Variants in KCNMB4 observed in about 807,000 individuals in gnomAD.
KCNMB4 encodes potassium calcium-activated channel subfamily M regulatory beta subunit 4.
Under a neutral mutation model 20.7 loss-of-function variants are expected in KCNMB4, and 3 were observed. The observed-to-expected ratio is 0.14, with a 90% CI of 0.07 to 0.37. KCNMB4 has a LOEUF of 0.37. KCNMB4 is among the 10% of genes least tolerant of loss of function. The pLI, the probability that KCNMB4 is intolerant of heterozygous loss-of-function variation, is 1.00. For missense variants in KCNMB4, 168 were observed against 265.9 expected (o/e 0.63, Z 2.56); for synonymous variants, 110 against 113.4 (o/e 0.97, Z 0.19).
chr12:70,381,964 C>T (rs1165324070), intron 1 of KCNMB4, among the ~76,000 whole-genome samples: 2 of 152,088 alleles, frequency 1.3e-5, no homozygotes, highest in Admixed American at 6.5e-5. Flanking sequence ...ACTTGTAAAG[C>T]AATGTATTAT....
chr12:70,420,506 A>G (rs1869022886), intron 2 of KCNMB4, among the ~76,000 whole-genome samples: 1 of 152,168 alleles, frequency 6.6e-6, no homozygotes, highest in Non-Finnish European at 1.5e-5. Context: ...AATGCAGGAA[A>G]GGATGCTGGG....
intron 1 of KCNMB4, among the ~76,000 whole-genome samples, chr12:70,393,266 G>A (rs538671549): frequency 3.2e-4 from 48 of 152,108 alleles, no homozygotes; most frequent in African/African-American, 1.1e-3. Context: ...GCAGTGGCGC[G>A]ATCTCGGCTC....
intron 1 of KCNMB4, among the ~76,000 whole-genome samples, 187 bp downstream of exon 1, chr12:70,367,257 G>C (rs1201478873): frequency 6.6e-6 from 1 of 152,056 alleles, no homozygotes; most frequent in South Asian, 2.1e-4. Context: ...CTTTTCAGGT[G>C]GGTTTACGCG....
chr12:70,400,268 T>C lies in KCNMB4; in HGVS notation c.396T>C (p.Asn132=), dbSNP rs1460367398. 6.2e-7 allele frequency: 1 copy of C among 1,613,046 alleles called. No homozygotes were observed. Among genetic ancestry groups the C allele is most frequent in the Non-Finnish European group, 8.5e-7 (1 of 1,179,566 alleles). Residue 132 remains asparagine, a synonymous_variant, in exon 2 of 3, where the codon AAT becomes AAC. Coordinates refer to ENST00000258111, the MANE Select transcript of KCNMB4 (RefSeq NM_014505.6). ...AGAAGAATTTGGAAAGTGTCATGAA[T>C]TGGCAACAGTACTGGAAAGATGAGA... The part of the protein sequence containing the change: ...ENQKNLESVM[N]WQQYWKDEIG...
Position 70,366,961 on chromosome 12 carries a change from G to T in KCNMB4, c.227G>T (p.Cys76Phe). Residue 76 changes from cysteine (C) to phenylalanine (F), a missense_variant, in exon 1 of 3, where the codon TGC becomes TTC. Physicochemically the swap from Cys to Phe is radical, Grantham distance 205. Transcript: ENST00000258111. Reference sequence around the variant, plus strand: ...TGCACCTTCACCTGTGGCGCCGACTGCAGGGGCACCTCGCAGTACCCCTGC... The same window carrying T: ...TGCACCTTCACCTGTGGCGCCGACTTCAGGGGCACCTCGCAGTACCCCTGC... ...FECTFTCGAD[C>F]RGTSQYPCVQ... 6.2e-7 allele frequency: 1 copy of T among 1,609,914 alleles called. No individual in the cohort carries two copies. The highest frequency in any genetic ancestry group is 8.5e-7 in the Non-Finnish European group (1 of 1,178,138).
intron 1 of KCNMB4, among the ~76,000 whole-genome samples, chr12:70,378,427 G>A (rs1172210067): frequency 1.3e-5 from 2 of 152,110 alleles, no homozygotes; most frequent in African/African-American, 2.4e-5. Flanking sequence ...TGTTCATAAT[G>A]GCATCAAATT....
At chr12:70,381,884 T>C (rs1187409729) in intron 1 of KCNMB4, among the ~76,000 whole-genome samples, 1 of 152,226 alleles carries the variant, frequency 6.6e-6, no homozygotes, top group Non-Finnish European at 1.5e-5. Context: ...ATGTGAATTA[T>C]ATTTCAATAA....
chr12:70,403,094 G>A (rs1160821838), intron 2 of KCNMB4, among the ~76,000 whole-genome samples: 1 of 152,076 alleles, frequency 6.6e-6, no homozygotes, highest in African/African-American at 2.4e-5. Flanking sequence ...AGTAGATTTG[G>A]GAAGGAAGAA....
intron 1 of KCNMB4, among the ~76,000 whole-genome samples, chr12:70,393,487 C>T (rs999424281): frequency 1.2e-4 from 19 of 152,276 alleles, no homozygotes; most frequent in African/African-American, 4.3e-4. Flanking sequence ...AGGTGTGAGC[C>T]ACCACGCCCC....
chr12:70,425,301 G>A (rs1869181509), intron 2 of KCNMB4, among the ~76,000 whole-genome samples: 1 of 152,026 alleles, frequency 6.6e-6, no homozygotes, highest in Non-Finnish European at 1.5e-5. Context: ...AGCCAGGTGT[G>A]GTGGTGGGCG....
At chr12:70,399,839 T>C (rs759771299) in intron 1 of KCNMB4, among the ~76,000 whole-genome samples, 16 of 152,308 alleles carry the variant, frequency 1.1e-4, no homozygotes, top group Middle Eastern at 3.4e-3. Flanking sequence ...CCAAGGTTCA[T>C]AGATAGCAAT....
chr12:70,412,649 T>C (rs1868811967), intron 2 of KCNMB4, among the ~76,000 whole-genome samples: 2 of 152,228 alleles, frequency 1.3e-5, no homozygotes, highest in Admixed American at 1.3e-4. Flanking sequence ...TTCTTTTGGC[T>C]TTTTTATAGA....
intron 1 of KCNMB4, among the ~76,000 whole-genome samples, chr12:70,390,592 A>T (rs1424102431): frequency 6.6e-6 from 1 of 152,226 alleles, no homozygotes; most frequent in Non-Finnish European, 1.5e-5. Context: ...CATAGAGATG[A>T]ATTGAGACAG....
rs1814975287 is a variant in KCNMB4, at chr12:70,366,998, C to T, written c.264C>T (p.Tyr88=). ...CGCAGTACCCCTGCGTCCAGGTCTA[C>T]GTGAACAACTCTGAGTCCAACTCTA... is the stretch of plus-strand genomic sequence containing the variant. ...GTSQYPCVQV[Y]VNNSESNSRA... The change falls in exon 1 of 3, where the codon TAC becomes TAT. Residue 88 remains tyrosine, a synonymous_variant. Transcript: ENST00000258111. 1 of 1,602,804 alleles carries T rather than the reference C, an allele frequency of 6.2e-7. No individual in the cohort carries two copies. Among genetic ancestry groups the T allele is most frequent in the South Asian group, 1.1e-5 (1 of 89,918 alleles).
In KCNMB4 at chr12:70,430,736, C is replaced by T. The variant is rs964470857; in HGVS notation, c.*83C>T. 8 of 1,371,678 alleles carry T rather than the reference C, an allele frequency of 5.8e-6. No individual in the cohort carries two copies. Among genetic ancestry groups the T allele is most frequent in the Middle Eastern group, 2.6e-4 (1 of 3,842 alleles). 85.0% of individuals were successfully genotyped at this position (1,371,678 alleles called of 1,614,324 possible). A position where few individuals can be genotyped will look rare whatever the true frequency, so the allele number is the denominator to read the frequency against. On this transcript the variant is annotated 3_prime_UTR_variant, in exon 3 of 3. Coordinates refer to ENST00000258111, the MANE Select transcript of KCNMB4 (RefSeq NM_014505.6). ...CACCTGCGGAACCTGTGTTTCCTGGCGCAGGAGATGGACAGGGCCACGACA... is the reference window on the plus strand; with the variant it reads ...CACCTGCGGAACCTGTGTTTCCTGGTGCAGGAGATGGACAGGGCCACGACA...
At chr12:70,423,113 A>G (rs17108143) in intron 2 of KCNMB4, among the ~76,000 whole-genome samples, 3,116 of 152,164 alleles carry the variant, frequency 0.02, 111 homozygotes, top group African/African-American at 0.07. Flanking sequence ...CTACTGAATT[A>G]TTTTTTTCCT....
At chr12:70,395,857 A>G (rs1231874879) in intron 1 of KCNMB4, among the ~76,000 whole-genome samples, 1 of 152,236 alleles carries the variant, frequency 6.6e-6, no homozygotes, top group African/African-American at 2.4e-5. Flanking sequence ...GCAAATGAAA[A>G]ACAAAATAGG....
At chr12:70,373,798 C>T (rs1050377829) in intron 1 of KCNMB4, among the ~76,000 whole-genome samples, 1 of 152,074 alleles carries the variant, frequency 6.6e-6, no homozygotes, top group Non-Finnish European at 1.5e-5. Context: ...GCCTGTACCA[C>T]GTAGTAAGAT....
chr12:70,413,992 G>A (rs888138056), intron 2 of KCNMB4, among the ~76,000 whole-genome samples: 1 of 152,118 alleles, frequency 6.6e-6, no homozygotes, highest in African/African-American at 2.4e-5. Flanking sequence ...CCAGCACTTT[G>A]GGAGGCTGAG....
Sources: gnomAD v4.1 joint callset for allele counts (sites outside exome capture counted in the v4.1 genomes callset) on GRCh38, gnomAD v4.1.1 for gene constraint, MANE v1.5 for transcripts, NCBI Gene and HGNC (gene_info 2026-07-23, HGNC 2026-07-21) for gene names.